MSI2: variants seen among roughly 807,000 people sequenced by gnomAD.
The protein encoded by MSI2 is RNA-binding protein Musashi homolog 2.
A neutral mutation model predicts 45.6 loss-of-function variants in MSI2; 17 were observed. The ratio of observed to expected loss-of-function variants is 0.37; its 90% CI spans 0.26 to 0.56. The LOEUF is 0.56. Among genes scored for constraint, MSI2 ranks in the 20% least tolerant of loss-of-function variants. The pLI is 0.77. For synonymous variants in MSI2, 156 were observed against 158.2 expected (o/e 0.99, Z 0.11); for missense variants, 293 against 444.2 (o/e 0.66, Z 3.06).
chr17:57,350,805 C>T (rs1915975756), intron 5 of MSI2, among the ~76,000 whole-genome samples: 1 of 152,154 alleles, frequency 6.6e-6, no homozygotes, highest in East Asian at 1.9e-4. Context: ...ACTTTTTGTT[C>T]ACCCACTGTC....
At chr17:57,343,172 A>G (rs757126980) in intron 5 of MSI2, among the ~76,000 whole-genome samples, 5 of 152,184 alleles carry the variant, frequency 3.3e-5, no homozygotes, top group Non-Finnish European at 5.9e-5. Flanking sequence ...TGAGGTAGGG[A>G]AGGGTTAAGC....
chr17:57,416,441 G>C (rs755982869), intron 6 of MSI2, among the ~76,000 whole-genome samples: 3 of 152,168 alleles, frequency 2.0e-5, no homozygotes, highest in African/African-American at 7.2e-5. Flanking sequence ...GAAGCCGCCC[G>C]AAATAATTTT....
chr17:57,256,437 A>AGGAGGG, upstream of MSI2: 1 of 142,996 alleles, frequency 7.0e-6, no homozygotes, highest in Non-Finnish European at 1.4e-5. Flanking sequence ...TGCGCCGGGG[A>AGGAGGG]GGAGGGGGAG....
chr17:57,562,834 A>G (rs966786025), intron 7 of MSI2, among the ~76,000 whole-genome samples: 1 of 152,098 alleles, frequency 6.6e-6, no homozygotes. Context: ...GCGATGGCTC[A>G]TGCCTGTAAT....
intron 10 of MSI2, among the ~76,000 whole-genome samples, chr17:57,643,658 G>A (rs774965867): frequency 6.6e-6 from 1 of 152,246 alleles, no homozygotes; most frequent in Non-Finnish European, 1.5e-5. Context: ...CATTCATCCA[G>A]TCAGAGGTGT....
intron 5 of MSI2, among the ~76,000 whole-genome samples, chr17:57,300,613 C>T (rs1359424759): frequency 1.3e-5 from 2 of 152,042 alleles, no homozygotes. Context: ...TGTATTAGCC[C>T]GTTTTCATGC....
chr17:57,602,618 G>A (rs1298999573), intron 8 of MSI2, among the ~76,000 whole-genome samples: 1 of 152,122 alleles, frequency 6.6e-6, no homozygotes, highest in Non-Finnish European at 1.5e-5. Context: ...GCCTCCAAAA[G>A]TGCTGGGATT....
intron 7 of MSI2, among the ~76,000 whole-genome samples, chr17:57,548,898 T>TCCCCCCCCCCCCCCCC (rs758120237): frequency 8.5e-4 from 103 of 121,234 alleles, no homozygotes; most frequent in South Asian, 2.3e-3. Flanking sequence ...TGTTTACCCT[T>TCCCCCCCCCCCCCCCC]CCCCCCCCCA....
chr17:57,625,914 C>T (rs886315711), intron 9 of MSI2: 2 of 152,326 alleles, frequency 1.3e-5, no homozygotes, highest in African/African-American at 4.8e-5. Context: ...GTTGCCAACA[C>T]TGGATGCCAG....
At chr17:57,403,090 A>G (rs2084022461) in intron 6 of MSI2, among the ~76,000 whole-genome samples, 1 of 152,156 alleles carries the variant, frequency 6.6e-6, no homozygotes. Flanking sequence ...GTCCAGGGGT[A>G]GTGTTTGCAA....
At chr17:57,323,489 G>A (rs2077262345) in intron 5 of MSI2, among the ~76,000 whole-genome samples, 1 of 152,268 alleles carries the variant, frequency 6.6e-6, no homozygotes. Flanking sequence ...CCCCATTCCA[G>A]TGGAAGCCTT....
At chr17:57,441,400 A>T (rs570085821) in intron 6 of MSI2, among the ~76,000 whole-genome samples, 1 of 151,926 alleles carries the variant, frequency 6.6e-6, no homozygotes, top group African/African-American at 2.4e-5. Flanking sequence ...CTGTCACCTC[A>T]CCACCCTGCA....
At chr17:57,450,367 T>TAAAGAA (rs144094118) in intron 6 of MSI2, 1 of 151,844 alleles carries the variant, frequency 6.6e-6, no homozygotes, top group African/African-American at 2.4e-5. Context: ...TCACTTTCCT[T>TAAAGAA]AGAAAAAAAT....
intron 6 of MSI2, among the ~76,000 whole-genome samples, chr17:57,458,335 C>T (rs974093660): frequency 5.3e-5 from 8 of 152,122 alleles, no homozygotes; most frequent in African/African-American, 1.7e-4. Flanking sequence ...CTCTTGACCT[C>T]GTGATCCACC....
intron 6 of MSI2, among the ~76,000 whole-genome samples, chr17:57,462,885 A>C (rs1822381): frequency 0.44 from 67,562 of 152,150 alleles, 18,198 homozygotes; most frequent in South Asian, 0.72. Flanking sequence ...TCTGTCATAC[A>C]CACAAGCACT....
chr17:57,652,601 G>A lies in MSI2; in HGVS notation c.790+440G>A, dbSNP rs1911248155. Among the ~76,000 whole-genome samples, 1 of 152,170 alleles carries A rather than the reference G, an allele frequency of 6.6e-6. No homozygotes were observed. The highest frequency in any genetic ancestry group is 6.5e-5 in the Admixed American group (1 of 15,284). On this transcript the variant is annotated intron_variant, in intron 11 of 13. Coordinates refer to ENST00000284073, the MANE Select transcript of MSI2 (RefSeq NM_138962.4). The surrounding 1 kb of genome is among the most constrained non-coding windows in gnomAD (Gnocchi z 4.1). ...CCCTGCTGCACTGGTAGGTGGGCTT[G>A]CTGGTCTGGCTAAACCCCCAGAGCC...
intron 7 of MSI2, among the ~76,000 whole-genome samples, chr17:57,533,494 G>T (rs143806120): frequency 1.3e-5 from 2 of 152,352 alleles, no homozygotes; most frequent in East Asian, 3.9e-4. Context: ...AGAGACCTGG[G>T]ATTGATGAGC....
intron 5 of MSI2, among the ~76,000 whole-genome samples, chr17:57,361,443 TAA>T (rs879675657): frequency 1.4e-5 from 2 of 139,256 alleles, no homozygotes; most frequent in Non-Finnish European, 1.6e-5. Flanking sequence ...TTACAAAAAA[TAA>T]AAAAAAAAAA....
At chr17:57,339,654 T>C (rs1285507419) in intron 5 of MSI2, among the ~76,000 whole-genome samples, 5 of 152,286 alleles carry the variant, frequency 3.3e-5, no homozygotes, top group East Asian at 1.9e-4. Context: ...TTTCATTCTT[T>C]GGGACATTTT....
Sources: gnomAD v4.1 joint callset for allele counts (sites outside exome capture counted in the v4.1 genomes callset) on GRCh38, gnomAD v4.1.1 for gene constraint, Gnocchi (gnomAD v3.1) non-coding constraint, MANE v1.5 for transcripts, NCBI Gene and HGNC (gene_info 2026-07-23, HGNC 2026-07-21) for gene names.